The following NPHP4 variants were observed in gnomAD, a reference collection of about 807,000 sequenced individuals.
NPHP4 encodes the protein nephrocystin-4.
NPHP4 carries 151 observed loss-of-function variants against 155.8 expected under a neutral mutation model. That is an observed-to-expected ratio of 0.97 (90% CI 0.85 to 1.11). NPHP4 has a LOEUF of 1.11. Ranked by LOEUF, NPHP4 falls within the 50% of genes least tolerant of loss-of-function variation. NPHP4 has a pLI of 0.00. For synonymous variants in NPHP4, 845 were observed against 816.8 expected, an observed-to-expected ratio of 1.03 and a Z score of -0.59; for missense variants, 1,956 against 1,925.7, an observed-to-expected ratio of 1.02 and a Z score of -0.29.
chr1:5,926,129 G>A (rs1427350791), intron 11 of NPHP4, among the ~76,000 whole-genome samples: 1 of 152,168 alleles, frequency 6.6e-6, no homozygotes, highest in African/African-American at 2.4e-5. Flanking sequence ...CGTTTATAAA[G>A]ATGGGATTAT....
chr1:5,953,314 C>T lies in NPHP4; in HGVS notation c.674-478G>A, dbSNP rs1401040620. On this transcript the variant is annotated intron_variant, in intron 6 of 29. Coordinates refer to ENST00000378156, the MANE Select transcript of NPHP4 (RefSeq NM_015102.5). ...AGAGGCGGGGTTTCACCATATTGGC[C>T]GGGCTGGTCTCGAACTCCTAACCTT... Among the ~76,000 whole-genome samples, 8 of 152,258 alleles carry T rather than the reference C, an allele frequency of 5.3e-5. No individual in the cohort carries two copies. The East Asian group carries it at 7.7e-4, about 15-fold the overall frequency.
intron 4 of NPHP4, among the ~76,000 whole-genome samples, chr1:5,968,650 G>C (rs1651972928): frequency 6.6e-6 from 1 of 151,148 alleles, no homozygotes; most frequent in Non-Finnish European, 1.5e-5. Context: ...CCCACACTAT[G>C]CTATTATGGA....
intron 20 of NPHP4, 79 bp from the exon 21 acceptor site, chr1:5,875,179 C>T: frequency 9.5e-7 from 1 of 1,051,272 alleles, no homozygotes; most frequent in Non-Finnish European, 1.4e-6. Flanking sequence ...CTGCCCACCA[C>T]CCGCGATCTC....
chr1:5,902,678 T>G (rs1644737172), intron 16 of NPHP4, among the ~76,000 whole-genome samples: 1 of 152,266 alleles, frequency 6.6e-6, no homozygotes, highest in African/African-American at 2.4e-5. Context: ...AAACAATATC[T>G]TAAAGAGTAC....
intron 13 of NPHP4, among the ~76,000 whole-genome samples, chr1:5,906,709 G>C (rs140741491): frequency 1.3e-5 from 2 of 152,372 alleles, no homozygotes; most frequent in African/African-American, 4.8e-5. Context: ...CCTGAAGCCA[G>C]GATGGCGGGC....
At chr1:5,898,058 A>G (rs1331975315) in intron 16 of NPHP4, among the ~76,000 whole-genome samples, 2 of 152,206 alleles carry the variant, frequency 1.3e-5, no homozygotes, top group Non-Finnish European at 2.9e-5. Context: ...GCAGGACTGG[A>G]GGCTGGTCTG....
intron 9 of NPHP4, among the ~76,000 whole-genome samples, chr1:5,939,724 C>G (rs1339688869): frequency 6.6e-6 from 1 of 152,226 alleles, no homozygotes; most frequent in Non-Finnish European, 1.5e-5. Flanking sequence ...AACAGGAAAT[C>G]CCATTCCCCC....
Position 5,961,828 on chromosome 1 carries a change from C to A in NPHP4, c.639G>T (p.Gln213His). 1 of 1,613,356 alleles carries A rather than the reference C, an allele frequency of 6.2e-7. No homozygotes were observed. Among genetic ancestry groups the A allele is most frequent in the East Asian group, 2.2e-5 (1 of 44,884 alleles). Residue 213 changes from glutamine to histidine, a missense_variant, in exon 6 of 30, where the codon CAG (glutamine) becomes CAT (histidine). Transcript: ENST00000378156. ...PENLLVSGLQ[Q>H]IPGLLPAHGE... ...CATGAGCTGGAAGCAGGCCAGGTAT[C>A]TGCTGCAGACCAGACACCAGAAGGT...
At chr1:5,915,301 C>T (rs1645415997) in intron 11 of NPHP4, among the ~76,000 whole-genome samples, 1 of 152,086 alleles carries the variant, frequency 6.6e-6, no homozygotes, top group Non-Finnish European at 1.5e-5. Flanking sequence ...AAGGAAGGAC[C>T]ATCGCTAGTA....
intron 16 of NPHP4, among the ~76,000 whole-genome samples, chr1:5,901,902 T>C (rs1201177613): frequency 2.6e-5 from 4 of 152,226 alleles, no homozygotes; most frequent in African/African-American, 9.6e-5. Context: ...GTTGGCTTAG[T>C]TGAAGTGATT....
intron 16 of NPHP4, among the ~76,000 whole-genome samples, chr1:5,897,067 C>A (rs1644430177): frequency 6.6e-6 from 1 of 152,192 alleles, no homozygotes; most frequent in Non-Finnish European, 1.5e-5. Flanking sequence ...AAGAATTAAA[C>A]CTTTGTCCTG....
chr1:5,962,987 AG>A, intron 5 of NPHP4, among the ~76,000 whole-genome samples: 1 of 152,368 alleles, frequency 6.6e-6, no homozygotes, highest in East Asian at 1.9e-4. Flanking sequence ...ACGTGGTCTC[AG>A]GCGGCTCAAG....
intron 11 of NPHP4, among the ~76,000 whole-genome samples, chr1:5,925,517 G>A (rs1645954879): frequency 6.6e-6 from 1 of 152,190 alleles, no homozygotes; most frequent in Admixed American, 6.5e-5. Flanking sequence ...CTCAAAGGTT[G>A]ATAGGTATTT....
chr1:5,946,984 CTTATTAT>C, intron 9 of NPHP4, 113 bp downstream of exon 9: 2 of 1,069,654 alleles, frequency 1.9e-6, no homozygotes, highest in Non-Finnish European at 2.8e-6. Context: ...GTGATTTTTA[CTTATTAT>C]TTATAATAAT....
chr1:5,922,015 T>G (rs1423073868), intron 11 of NPHP4, among the ~76,000 whole-genome samples: 1 of 152,188 alleles, frequency 6.6e-6, no homozygotes, highest in African/African-American at 2.4e-5. Flanking sequence ...GACCCTGAGA[T>G]GGGGGGATGA....
At chr1:5,949,238 G>T (rs1334996148) in intron 7 of NPHP4, among the ~76,000 whole-genome samples, 1 of 152,046 alleles carries the variant, frequency 6.6e-6, no homozygotes, top group East Asian at 1.9e-4. Context: ...GGATGTTGGT[G>T]TTTCAATCCT....
chr1:5,960,347 C>T (rs1052570954), intron 6 of NPHP4, among the ~76,000 whole-genome samples: 2 of 152,182 alleles, frequency 1.3e-5, no homozygotes, highest in Non-Finnish European at 2.9e-5. Flanking sequence ...CACCATAGAC[C>T]TATCCAAGAA....
intron 2 of NPHP4, among the ~76,000 whole-genome samples, chr1:5,983,186 C>A (rs904723945): frequency 6.6e-6 from 1 of 152,206 alleles, no homozygotes; most frequent in Non-Finnish European, 1.5e-5. Context: ...AGTTAAAAGT[C>A]TCCAACCATG....
At position 5,868,169 on chromosome 1, in the gene NPHP4, A is replaced by G. The variant is rs1045682015; in HGVS notation, c.3316-273T>C. 1.3e-5 allele frequency: 7 copies of G among 536,804 alleles called. No individual in the cohort carries two copies. The East Asian group carries it at 2.2e-4, about 17-fold the overall frequency. The allele number at this position is 536,804 out of a possible 1,614,324, so 33.3% of individuals were successfully genotyped here. On this transcript the variant is annotated intron_variant, in intron 23 of 29. Coordinates refer to ENST00000378156, the MANE Select transcript of NPHP4 (RefSeq NM_015102.5). ...CCATTATTCCTCGCGAGTACAGCAC[A>G]CTTCTTAAATGCCAGTGGAGAAGGT...
Sources: allele counts gnomAD v4.1 joint callset (sites outside exome capture counted in the v4.1 genomes callset), GRCh38; gene constraint gnomAD v4.1.1; transcripts MANE v1.5; gene names NCBI Gene and HGNC (gene_info 2026-07-23, HGNC 2026-07-21).